Variants in SLIT3 observed in about 807,000 individuals in gnomAD.
SLIT3 encodes slit homolog 3 protein.
Under a neutral mutation model 184.0 loss-of-function variants are expected in SLIT3, and 68 were observed. The ratio of observed to expected loss-of-function variants is 0.37; its 90% CI spans 0.30 to 0.45. The LOEUF is 0.45. Ranked by LOEUF, SLIT3 falls within the 20% of genes least tolerant of loss-of-function variation. The pLI, the probability that SLIT3 is intolerant of heterozygous loss-of-function variation, is 1.00. For missense variants in SLIT3, 1,707 were observed against 2,026.0 expected, an observed-to-expected ratio of 0.84 and a Z score of 3.02; for synonymous variants, 831 against 828.6, an observed-to-expected ratio of 1.00 and a Z score of -0.05.
chr5:168,917,143 A>T (rs1188640491), intron 4 of SLIT3, among the ~76,000 whole-genome samples: 2 of 152,216 alleles, frequency 1.3e-5, no homozygotes, highest in African/African-American at 4.8e-5. Flanking sequence ...GCGACCCAAC[A>T]TCATTGCATA....
chr5:168,848,304 C>T (rs1758554087), intron 5 of SLIT3, among the ~76,000 whole-genome samples: 1 of 152,216 alleles, frequency 6.6e-6, no homozygotes, highest in South Asian at 2.1e-4. Flanking sequence ...CCTGCTGTGA[C>T]TGTACAGGGC....
At chr5:169,269,459 ATCC>A (rs1296241645) in intron 1 of SLIT3, among the ~76,000 whole-genome samples, 3 of 152,222 alleles carry the variant, frequency 2.0e-5, no homozygotes, top group Non-Finnish European at 4.4e-5. Flanking sequence ...AGCCAGGCAG[ATCC>A]TCTGCACTCA....
intron 2 of SLIT3, among the ~76,000 whole-genome samples, chr5:169,247,215 C>CAA (rs34569490): frequency 8.0e-5 from 10 of 124,226 alleles, no homozygotes; most frequent in Non-Finnish European, 8.9e-5. Flanking sequence ...GACTCTGTCT[C>CAA]AAAAAAAAAA....
intron 5 of SLIT3, among the ~76,000 whole-genome samples, chr5:168,881,308 G>T (rs1759942633): frequency 6.6e-6 from 1 of 152,062 alleles, no homozygotes; most frequent in Non-Finnish European, 1.5e-5. Context: ...TTGTAAGAGG[G>T]GAAAAGAGAC....
intron 4 of SLIT3, among the ~76,000 whole-genome samples, chr5:169,131,219 T>C (rs1206179326): frequency 1.3e-5 from 2 of 152,210 alleles, no homozygotes; most frequent in African/African-American, 4.8e-5. Flanking sequence ...TAGTAAAACA[T>C]ACGAAAATCT....
intron 4 of SLIT3, among the ~76,000 whole-genome samples, chr5:169,122,037 T>C (rs1191332387): frequency 6.6e-6 from 1 of 152,234 alleles, no homozygotes; most frequent in Non-Finnish European, 1.5e-5. Context: ...TAGGGGCAAC[T>C]TCCGGTTGCT....
At chr5:168,926,882 T>C (rs1365480071) in intron 4 of SLIT3, among the ~76,000 whole-genome samples, 2 of 152,074 alleles carry the variant, frequency 1.3e-5, no homozygotes, top group African/African-American at 2.4e-5. Flanking sequence ...ACAAGTGTTG[T>C]CAAGGATGCA....
intron 12 of SLIT3, among the ~76,000 whole-genome samples, chr5:168,776,473 AC>A (rs1283511923): frequency 1.3e-5 from 2 of 152,216 alleles, no homozygotes; most frequent in African/African-American, 4.8e-5. Context: ...GATGGACAGA[AC>A]CTGACTCACA....
chr5:169,211,716 T>G (rs540596378), intron 3 of SLIT3, among the ~76,000 whole-genome samples: 1 of 152,320 alleles, frequency 6.6e-6, no homozygotes, highest in East Asian at 1.9e-4. Context: ...GGTATACACG[T>G]GCCTTGGGGG....
chr5:168,847,063 A>G (rs1028609437), intron 5 of SLIT3, among the ~76,000 whole-genome samples: 1 of 152,254 alleles, frequency 6.6e-6, no homozygotes, highest in African/African-American at 2.4e-5. Context: ...AGAGTCTTTG[A>G]GAGGGCTCTG....
At chr5:168,821,412 T>C (rs1757529091) in intron 7 of SLIT3, among the ~76,000 whole-genome samples, 1 of 152,218 alleles carries the variant, frequency 6.6e-6, no homozygotes, top group Admixed American at 6.5e-5. Flanking sequence ...TCTGGGGTAA[T>C]GCAGGCCCAG....
chr5:169,256,110 T>A (rs536751473), intron 1 of SLIT3, among the ~76,000 whole-genome samples: 20 of 152,122 alleles, frequency 1.3e-4, no homozygotes, highest in Non-Finnish European at 1.2e-4. Context: ...ATTTTTTTTT[T>A]ATCTTTTATA....
chr5:169,238,890 G>A (rs1765296479), intron 3 of SLIT3, among the ~76,000 whole-genome samples: 1 of 152,050 alleles, frequency 6.6e-6, no homozygotes, highest in Non-Finnish European at 1.5e-5. Flanking sequence ...TCTATATTTT[G>A]CAGCTTTTCT....
At chr5:168,860,272 A>G (rs1197968292) in intron 5 of SLIT3, among the ~76,000 whole-genome samples, 2 of 152,184 alleles carry the variant, frequency 1.3e-5, no homozygotes, top group Non-Finnish European at 2.9e-5. Context: ...CTTGGGTCAC[A>G]CTGTTTAGAG....
chr5:168,876,307 C>T (rs1486037320), intron 5 of SLIT3, among the ~76,000 whole-genome samples: 1 of 152,106 alleles, frequency 6.6e-6, no homozygotes, highest in African/African-American at 2.4e-5. Flanking sequence ...AGCAATCTAC[C>T]CTCCCCACTG....
chr5:168,784,868 GACACAC>G lies in SLIT3; in HGVS notation c.1151+1033_1151+1038del, dbSNP rs34317589. On this transcript the variant is annotated intron_variant, in intron 12 of 35. Transcript: ENST00000519560. ...TGTGACTTGGAGGTGATTTTAAAAA[GACACAC>G]ACACACACACACACGCACACACACA... Among the ~76,000 whole-genome samples the G allele has an allele frequency of 3.8e-3, 573 of 149,836 alleles. 5 individuals are homozygous for G. Among genetic ancestry groups the G allele is most frequent in the African/African-American group, 0.013 (540 of 40,898 alleles).
intron 4 of SLIT3, among the ~76,000 whole-genome samples, chr5:168,985,128 G>T (rs1353730484): frequency 6.6e-6 from 1 of 152,202 alleles, no homozygotes; most frequent in Non-Finnish European, 1.5e-5. Context: ...GGGATGTTCA[G>T]AGTTCCTTCC....
chr5:168,887,908 A>T (rs554005765), intron 4 of SLIT3, among the ~76,000 whole-genome samples: 1 of 152,324 alleles, frequency 6.6e-6, no homozygotes, highest in Non-Finnish European at 1.5e-5. Context: ...CAAAGAATAA[A>T]ATACGTAAAT....
chr5:169,052,874 C>T (rs958749238), intron 4 of SLIT3, among the ~76,000 whole-genome samples: 5 of 152,176 alleles, frequency 3.3e-5, no homozygotes, highest in African/African-American at 4.8e-5. Context: ...AGCACCCACC[C>T]TCCCTCACCC....
Sources: gnomAD v4.1 joint callset for allele counts (sites outside exome capture counted in the v4.1 genomes callset) on GRCh38, gnomAD v4.1.1 for gene constraint, MANE v1.5 for transcripts, NCBI Gene and HGNC (gene_info 2026-07-23, HGNC 2026-07-21) for gene names.